ARHGEF11: variants seen among roughly 807,000 people sequenced by gnomAD.
ARHGEF11 encodes Rho guanine exchange factor (GEF) 11.
ARHGEF11 carries 55 observed loss-of-function variants against 193.7 expected under a neutral mutation model. The ratio of observed to expected loss-of-function variants is 0.28; its 90% CI spans 0.23 to 0.36. The LOEUF (loss-of-function observed/expected upper bound fraction) is 0.36, where lower values mean the gene tolerates loss of function less well. Among genes scored for constraint, ARHGEF11 ranks in the 10% least tolerant of loss-of-function variants. The pLI is 1.00. For missense variants in ARHGEF11, 1,723 were observed against 2,005.6 expected (o/e 0.86, Z 2.69); for synonymous variants, 693 against 768.0 (o/e 0.90, Z 1.62).
intron 1 of ARHGEF11, among the ~76,000 whole-genome samples, chr1:157,031,889 C>A (rs1671354875): frequency 6.6e-6 from 1 of 152,190 alleles, no homozygotes; most frequent in African/African-American, 2.4e-5. Flanking sequence ...AGAGCTCTAA[C>A]AACATTCTAA....
intron 1 of ARHGEF11, among the ~76,000 whole-genome samples, chr1:157,023,795 G>A (rs1295339192): frequency 6.6e-6 from 1 of 151,350 alleles, no homozygotes; most frequent in Non-Finnish European, 1.5e-5. Context: ...AATAACAACT[G>A]CTGGAGAGGA....
At chr1:156,981,783 T>C (rs749624193) in intron 3 of ARHGEF11, among the ~76,000 whole-genome samples, 8 of 152,198 alleles carry the variant, frequency 5.3e-5, no homozygotes, top group Non-Finnish European at 7.3e-5. Flanking sequence ...CCTCACAAGA[T>C]AGTTTTAAAT....
chr1:157,045,698 AGGCTGCGGC>A lies in ARHGEF11; in HGVS notation c.-1377_-1369del, dbSNP rs1031642829. Among the ~76,000 whole-genome samples, 1 of 150,026 alleles carries A rather than the reference AGGCTGCGGC, an allele frequency of 6.7e-6. No homozygotes were observed. Among genetic ancestry groups the A allele is most frequent in the East Asian group, 2.0e-4 (1 of 5,086 alleles). ...GGACGCCAGGCTCGGCGCACAGGGAAGGCTGCGGCGGCTGCGGCAGGCCGGCACGAGCGG... is the reference window on the plus strand; with the variant it reads ...GGACGCCAGGCTCGGCGCACAGGGAAGGCTGCGGCAGGCCGGCACGAGCGG... On this transcript the variant is annotated 5_prime_UTR_variant, in exon 1 of 41. Coordinates refer to ENST00000368194, the MANE Select transcript of ARHGEF11 (RefSeq NM_198236.3).
chr1:157,040,452 T>C (rs1672599694), intron 1 of ARHGEF11, among the ~76,000 whole-genome samples: 3 of 152,236 alleles, frequency 2.0e-5, no homozygotes, highest in Non-Finnish European at 4.4e-5. Flanking sequence ...AGACAAGGAA[T>C]GGCTGGAGAT....
intron 1 of ARHGEF11, among the ~76,000 whole-genome samples, chr1:157,025,723 A>G (rs1259392985): frequency 6.6e-6 from 1 of 152,192 alleles, no homozygotes; most frequent in Non-Finnish European, 1.5e-5. Context: ...GGATAGATCA[A>G]GGAGCTAAGT....
chr1:156,951,745 G>T, intron 21 of ARHGEF11, 46 bp from the exon 22 acceptor site: 1 of 1,611,650 alleles, frequency 6.2e-7, no homozygotes, highest in Non-Finnish European at 8.5e-7. Flanking sequence ...GCTGTTCAGG[G>T]ATGGCTTCTC....
intron 34 of ARHGEF11, 116 bp downstream of exon 34, chr1:156,941,748 T>C (rs1571153013): frequency 6.9e-7 from 1 of 1,442,922 alleles, no homozygotes; most frequent in Non-Finnish European, 9.3e-7. Flanking sequence ...GTCTGCTCCC[T>C]GCTAGCATTT....
intron 11 of ARHGEF11, among the ~76,000 whole-genome samples, chr1:156,967,372 T>C (rs1167549202): frequency 6.6e-6 from 1 of 152,214 alleles, no homozygotes; most frequent in Non-Finnish European, 1.5e-5. Context: ...CTCAAGTCCA[T>C]TCCATTGCCA....
chr1:156,948,278 CCT>C lies in ARHGEF11; in HGVS notation c.2105+39_2105+40del, dbSNP rs1213837225. On this transcript the variant is annotated intron_variant, in intron 23 of 40. Coordinates refer to ENST00000368194, the MANE Select transcript of ARHGEF11 (RefSeq NM_198236.3). This position sits in a 1 kb window ranked among gnomAD's most constrained non-coding sequence, Gnocchi z 4.2. ...GCAACCCTCTATCCTTGCCGCCACC[CCT>C]GAGATGTCCATGGGTGCAGCCGTTG... The C allele has an allele frequency of 1.1e-5, 17 of 1,607,834 alleles. No individual in the cohort carries two copies. The highest frequency in any genetic ancestry group is 1.6e-4 in the Middle Eastern group (1 of 6,066).
At position 156,969,311 on chromosome 1, in the gene ARHGEF11, C is replaced by T. The variant is rs548547609; in HGVS notation, c.796G>A (p.Gly266Arg). ...SQEGDSGLDS[G>R]TERFPSLSES... ...CTGAGGGAAGGAAAGCGTTCTGTCC[C>T]AGAGTCCAAGCCACTGTCCCCCTCC... The change falls in exon 10 of 41, where the codon GGG becomes AGG. Residue 266 changes from glycine (G) to arginine (R), a missense_variant. Around this residue, in one of 5 missense-constraint regions of ARHGEF11, gnomAD observed 646 missense variants for 710.7 expected, o/e 0.91. Coordinates refer to ENST00000368194, the MANE Select transcript of ARHGEF11 (RefSeq NM_198236.3). The T allele has an allele frequency of 6.2e-7, 1 of 1,607,462 alleles. No individual in the cohort carries two copies. The highest frequency in any genetic ancestry group is 1.1e-5 in the South Asian group (1 of 89,760).
At chr1:157,022,707 C>A (rs78993228) in intron 1 of ARHGEF11, among the ~76,000 whole-genome samples, 1 of 151,874 alleles carries the variant, frequency 6.6e-6, no homozygotes, top group Non-Finnish European at 1.5e-5. Flanking sequence ...TGACCCAGAA[C>A]GGCCATAATA....
At chr1:156,980,343 C>A in intron 4 of ARHGEF11, 94 bp downstream of exon 4, 1 of 1,468,952 alleles carries the variant, frequency 6.8e-7, no homozygotes, top group South Asian at 1.2e-5. Context: ...CAGTTGGTAT[C>A]AAGATGAAAG....
intron 1 of ARHGEF11, among the ~76,000 whole-genome samples, chr1:156,992,218 C>T (rs1665834264): frequency 6.6e-6 from 1 of 152,178 alleles, no homozygotes; most frequent in South Asian, 2.1e-4. Context: ...TCCTTTCTTC[C>T]TTACACAACA....
At chr1:156,968,918 C>T (rs74116945) in intron 10 of ARHGEF11, among the ~76,000 whole-genome samples, 1,907 of 152,294 alleles carry the variant, frequency 0.013, 43 homozygotes, top group African/African-American at 0.043. Flanking sequence ...TAATCTAAGA[C>T]GATGTTATTC....
At chr1:156,992,628 TA>T (rs1479033731) in intron 1 of ARHGEF11, among the ~76,000 whole-genome samples, 5 of 152,206 alleles carry the variant, frequency 3.3e-5, no homozygotes, top group East Asian at 3.8e-4. Context: ...TATATATATA[TA>T]TTTTAAAAGT....
chr1:157,021,160 A>G (rs1178706210), intron 1 of ARHGEF11, among the ~76,000 whole-genome samples: 1 of 152,208 alleles, frequency 6.6e-6, no homozygotes, highest in Non-Finnish European at 1.5e-5. Flanking sequence ...GATGGGGTAC[A>G]CAGTACAGGC....
intron 31 of ARHGEF11, 59 bp from the exon 32 acceptor site, chr1:156,944,161 C>A: frequency 6.4e-7 from 1 of 1,572,714 alleles, no homozygotes; most frequent in Admixed American, 1.8e-5. Context: ...CTCATGAGCA[C>A]AATGCAGGGC....
rs538799476 is a variant in ARHGEF11 at position 156,974,423 on chromosome 1, C to T, written c.582+2560G>A. On this transcript the variant is annotated intron_variant, in intron 7 of 40. Coordinates refer to ENST00000368194, the MANE Select transcript of ARHGEF11 (RefSeq NM_198236.3). The stretch of plus-strand genomic sequence containing the variant: ...CAGACTGAATCCAACTCAAGCATCA[C>T]CTCACGAAGCCTTCTGATTATTGCA... Among the ~76,000 whole-genome samples, 16 of 152,280 alleles carry T rather than the reference C, an allele frequency of 1.1e-4. No individual in the cohort carries two copies. In the South Asian group the frequency reaches 2.5e-3, roughly 24 times the overall value.
intron 1 of ARHGEF11, among the ~76,000 whole-genome samples, chr1:156,997,138 G>A (rs1045536350): frequency 2.0e-5 from 3 of 151,812 alleles, no homozygotes; most frequent in Non-Finnish European, 4.4e-5. Context: ...CAAAGTGCTG[G>A]GATTACAAGT....
Sources: allele counts gnomAD v4.1 joint callset (sites outside exome capture counted in the v4.1 genomes callset), GRCh38; gene constraint gnomAD v4.1.1; regional missense constraint gnomAD v4.1.1; non-coding constraint Gnocchi (gnomAD v3.1); transcripts MANE v1.5; gene names NCBI Gene and HGNC (gene_info 2026-07-23, HGNC 2026-07-21).